ROPN1L: variants seen among roughly 807,000 people sequenced by gnomAD.
ROPN1L encodes ropporin-1-like protein.
A neutral mutation model predicts 22.7 loss-of-function variants in ROPN1L; 23 were observed. The observed-to-expected ratio is 1.01, with a 90% CI of 0.73 to 1.43. ROPN1L has a LOEUF of 1.43. Among genes scored for constraint, ROPN1L ranks in the 40% most tolerant of loss-of-function variants. The pLI is 0.00. For synonymous variants in ROPN1L, 116 were observed against 117.8 expected (o/e 0.98, Z 0.10); for missense variants, 271 against 291.5 (o/e 0.93, Z 0.51).
chr5:10,478,872 G>A, the ROPN1L span, among the ~76,000 whole-genome samples: 200 of 152,214 alleles, frequency 1.3e-3, no homozygotes, highest in African/African-American at 4.4e-3. Context: ...TCTCAGGAGC[G>A]GGAAAAGATG....
intron 4 of ROPN1L, among the ~76,000 whole-genome samples, chr5:10,464,283 G>A (rs766358590): frequency 1.2e-4 from 18 of 152,100 alleles, no homozygotes; most frequent in Non-Finnish European, 2.1e-4. Flanking sequence ...CCTTCTGTCC[G>A]CCTTATTCTT....
intron 1 of ROPN1L, among the ~76,000 whole-genome samples, chr5:10,447,358 C>T (rs1741102448): frequency 6.6e-6 from 1 of 152,146 alleles, no homozygotes; most frequent in Non-Finnish European, 1.5e-5. Flanking sequence ...CCCACTCTTG[C>T]CCCCAACATA....
intron 3 of ROPN1L, among the ~76,000 whole-genome samples, chr5:10,460,074 G>A (rs957541286): frequency 6.6e-6 from 1 of 152,186 alleles, no homozygotes; most frequent in African/African-American, 2.4e-5. Flanking sequence ...TCGAGGTGGG[G>A]ACTGAGGGGA....
chr5:10,451,928 A>AATCAATCTATCTATCT (rs71613365), intron 3 of ROPN1L, among the ~76,000 whole-genome samples: 1 of 150,520 alleles, frequency 6.6e-6, no homozygotes, highest in Non-Finnish European at 1.5e-5. Context: ...AACTCTGTGA[A>AATCAATCTATCTATCT]ATCTATCTAT....
the ROPN1L span, chr5:10,482,315 A>G: frequency 6.6e-6 from 1 of 152,212 alleles, no homozygotes; most frequent in Non-Finnish European, 1.5e-5. Flanking sequence ...GAAAACCGTA[A>G]AAGATAAACC....
chr5:10,461,335 A>G lies in ROPN1L; in HGVS notation c.569A>G (p.Tyr190Cys), dbSNP rs765917889. 1 of 1,613,988 alleles carries G rather than the reference A, an allele frequency of 6.2e-7. No individual in the cohort carries two copies. The change falls in exon 4 of 5, where the codon TAC becomes TGC. Residue 190 changes from tyrosine (Y) to cysteine (C), a missense_variant. Tyr to Cys is a radical substitution (Grantham distance 194). Transcript: ENST00000274134. ...GTGTCTCCCTTGGAGACGGAATCCT[A>G]CCTTGCCTCTCTAAAGGAAAATATG... The part of the protein sequence containing the change: ...SDVSPLETES[Y>C]LASLKENIDA...
downstream of ROPN1L, among the ~76,000 whole-genome samples, chr5:10,466,045 G>A (rs978724569): frequency 2.6e-5 from 4 of 152,182 alleles, no homozygotes; most frequent in African/African-American, 4.8e-5. Context: ...GGACAGCAGC[G>A]TGATCCACTT....
rs115471872 is a variant in ROPN1L at position 10,459,901 on chromosome 5, A to G, written c.418-1283A>G. Among the ~76,000 whole-genome samples, 1,251 of 152,290 alleles carry G rather than the reference A, an allele frequency of 8.2e-3. 15 individuals carry two copies. The highest frequency in any genetic ancestry group is 0.028 in the African/African-American group (1,175 of 41,542). On this transcript the variant is annotated intron_variant, in intron 3 of 4. Transcript: ENST00000274134. ...TCCTGGTGTGTAACAGGCACTTGGC[A>G]AACGTGGAGGGAATGAAGGGCTGTT...
the ROPN1L span, among the ~76,000 whole-genome samples, chr5:10,477,081 C>T: frequency 5.3e-4 from 81 of 152,314 alleles, no homozygotes; most frequent in Non-Finnish European, 1.0e-3. Flanking sequence ...TGAGTGTGGC[C>T]GTGTTCCAAT....
chr5:10,442,562 T>G (rs1033794262), intron 1 of ROPN1L, among the ~76,000 whole-genome samples: 2 of 152,238 alleles, frequency 1.3e-5, no homozygotes, highest in African/African-American at 4.8e-5. Flanking sequence ...TTTAAAAGTG[T>G]TTATGATGAA....
chr5:10,465,003 A>C lies in ROPN1L; in HGVS notation c.*56A>C. ...TAGTGCTCTTTAAAATTCTGGCACCAAATACAACTTACCCTGAATCACACA... is the reference window on the plus strand; with the variant it reads ...TAGTGCTCTTTAAAATTCTGGCACCCAATACAACTTACCCTGAATCACACA... On this transcript the variant is annotated 3_prime_UTR_variant, in exon 5 of 5. Coordinates refer to ENST00000274134, the MANE Select transcript of ROPN1L (RefSeq NM_031916.5). 1 of 1,029,874 alleles carries C rather than the reference A, an allele frequency of 9.7e-7. No individual in the cohort carries two copies. Among genetic ancestry groups the C allele is most frequent in the Non-Finnish European group, 1.5e-6 (1 of 683,814 alleles). 63.8% of individuals were successfully genotyped at this position (1,029,874 alleles called of 1,614,324 possible). A position where few individuals can be genotyped will look rare whatever the true frequency, so the allele number is the denominator to read the frequency against.
rs1009591453 is a variant in ROPN1L, at chr5:10,450,114, G to T, written c.417+1G>T. ...GCTTGGATGCAGCATGCTTGGTGGG[G>T]TATGTACCTATAAACAGCATATTAA... is the stretch of plus-strand genomic sequence containing the variant. On this transcript the variant is annotated splice_donor_variant, in intron 3 of 4. Transcript: ENST00000274134. LOFTEE classifies it high-confidence loss of function. 21 of 1,606,550 alleles carry T rather than the reference G, an allele frequency of 1.3e-5. No individual in the cohort carries two copies. The highest frequency in any genetic ancestry group is 1.7e-5 in the Non-Finnish European group (20 of 1,177,184).
the ROPN1L span, among the ~76,000 whole-genome samples, chr5:10,478,481 G>T: frequency 5.5e-4 from 84 of 152,308 alleles, no homozygotes; most frequent in East Asian, 5.8e-3. Context: ...TCTGGCTGGG[G>T]GTGGGGGTCC....
chr5:10,468,108 G>C (rs1422097077), downstream of ROPN1L, among the ~76,000 whole-genome samples: 1 of 152,206 alleles, frequency 6.6e-6, no homozygotes, highest in Non-Finnish European at 1.5e-5. Flanking sequence ...TCTGGTTCCT[G>C]GTCACTCTCG....
chr5:10,455,871 G>GCTTTTAAAAACCAGTGCTCGGT, intron 3 of ROPN1L, among the ~76,000 whole-genome samples: 1 of 152,248 alleles, frequency 6.6e-6, no homozygotes, highest in African/African-American at 2.4e-5. Flanking sequence ...TGGGTCAGAG[G>GCTTTTAAAAACCAGTGCTCGGT]CACAGCTTCA....
intron 4 of ROPN1L, among the ~76,000 whole-genome samples, chr5:10,463,013 C>T (rs571894764): frequency 4.9e-4 from 75 of 152,322 alleles, no homozygotes; most frequent in Non-Finnish European, 9.4e-4. Context: ...AGTAGTGCCA[C>T]GGATGCAGGA....
At chr5:10,451,286 T>TACCCAATGTGGCCACTA (rs1741243700) in intron 3 of ROPN1L, among the ~76,000 whole-genome samples, 2 of 152,358 alleles carry the variant, frequency 1.3e-5, no homozygotes, top group East Asian at 3.9e-4. Flanking sequence ...CCCGCAAGGC[T>TACCCAATGTGGCCACTA]ACCCAATGTG....
At chr5:10,481,817 G>A in the ROPN1L span, 6 of 152,162 alleles carry the variant, frequency 3.9e-5, no homozygotes, top group East Asian at 1.9e-4. Context: ...TTGTCCCAGC[G>A]GGAGATGTTA....
the ROPN1L span, among the ~76,000 whole-genome samples, chr5:10,479,890 ATGCGCCACCACGCC>A: frequency 6.6e-6 from 1 of 152,238 alleles, no homozygotes; most frequent in African/African-American, 2.4e-5. Context: ...GATTACAGGC[ATGCGCCACCACGCC>A]TGGCTAATTT....
Sources: allele counts gnomAD v4.1 joint callset (sites outside exome capture counted in the v4.1 genomes callset), GRCh38; gene constraint gnomAD v4.1.1; transcripts MANE v1.5; gene names NCBI Gene and HGNC (gene_info 2026-07-23, HGNC 2026-07-21).